MAP7: variants seen among roughly 807,000 people sequenced by gnomAD.
MAP7 encodes ensconsin.
A neutral mutation model predicts 94.8 loss-of-function variants in MAP7; 52 were observed. That is an observed-to-expected ratio of 0.55 (90% CI 0.44 to 0.69). The LOEUF is 0.69. Ranked by LOEUF, MAP7 falls within the 30% of genes least tolerant of loss-of-function variation. MAP7 has a pLI of 0.00. For synonymous variants in MAP7, 350 were observed against 357.0 expected, an observed-to-expected ratio of 0.98 and a Z score of 0.22; for missense variants, 940 against 964.6, an observed-to-expected ratio of 0.97 and a Z score of 0.34.
At chr6:136,455,687 A>G (rs1045363059) in intron 1 of MAP7, among the ~76,000 whole-genome samples, 6 of 152,102 alleles carry the variant, frequency 3.9e-5, no homozygotes, top group Non-Finnish European at 7.3e-5. Context: ...TAAACAATAT[A>G]CTCTTAACCA....
intron 1 of MAP7, among the ~76,000 whole-genome samples, chr6:136,501,818 C>T (rs1819909931): frequency 6.6e-6 from 1 of 152,114 alleles, no homozygotes. Context: ...CCATTAAGTT[C>T]CCATCACAAA....
intron 1 of MAP7, among the ~76,000 whole-genome samples, chr6:136,429,853 T>C (rs73777903): frequency 0.037 from 5,711 of 152,294 alleles, 372 homozygotes; most frequent in African/African-American, 0.13. Flanking sequence ...TATTTTCCCC[T>C]TGCGTTAATA....
At chr6:136,435,168 G>A (rs1796053851) in intron 1 of MAP7, among the ~76,000 whole-genome samples, 1 of 152,220 alleles carries the variant, frequency 6.6e-6, no homozygotes, top group African/African-American at 2.4e-5. Context: ...GGAGAAGCCA[G>A]AAGGAGGTTG....
At chr6:136,538,560 A>G (rs1829059206) in intron 1 of MAP7, among the ~76,000 whole-genome samples, 1 of 151,992 alleles carries the variant, frequency 6.6e-6, no homozygotes, top group Non-Finnish European at 1.5e-5. Flanking sequence ...CCGAGGCAGG[A>G]GGATCACTTG....
intron 7 of MAP7, among the ~76,000 whole-genome samples, chr6:136,377,289 A>G (rs981990640): frequency 5.9e-5 from 9 of 152,246 alleles, no homozygotes; most frequent in Admixed American, 1.3e-4. Context: ...CCTAGATTAC[A>G]TATAAAAGAA....
At chr6:136,511,431 C>T (rs533012120) in intron 1 of MAP7, among the ~76,000 whole-genome samples, 2 of 152,108 alleles carry the variant, frequency 1.3e-5, no homozygotes, top group South Asian at 4.2e-4. Flanking sequence ...CTTTACAGTG[C>T]TGAATGAAAG....
intron 6 of MAP7, among the ~76,000 whole-genome samples, chr6:136,382,588 CAAAAG>C (rs1753201470): frequency 6.6e-6 from 1 of 151,884 alleles, no homozygotes; most frequent in African/African-American, 2.4e-5. Flanking sequence ...GTTAAAAAAA[CAAAAG>C]GAAAGAGTTT....
At chr6:136,378,226 G>A (rs1411890252) in intron 6 of MAP7, among the ~76,000 whole-genome samples, 2 of 152,154 alleles carry the variant, frequency 1.3e-5, no homozygotes, top group African/African-American at 2.4e-5. Context: ...ATGGGCATTG[G>A]GATGGGCAGT....
chr6:136,358,365 G>A (rs1791574387), intron 15 of MAP7, among the ~76,000 whole-genome samples: 1 of 152,144 alleles, frequency 6.6e-6, no homozygotes, highest in Admixed American at 6.5e-5. Context: ...ACAACTCACT[G>A]GGTACTATGC....
intron 1 of MAP7, among the ~76,000 whole-genome samples, chr6:136,547,814 G>C (rs1349313846): frequency 1.3e-5 from 2 of 151,826 alleles, no homozygotes; most frequent in African/African-American, 4.8e-5. Context: ...ATTCATCTTT[G>C]ATACACATAT....
At chr6:136,360,590 G>A in intron 13 of MAP7, 107 bp downstream of exon 13, 1 of 889,884 alleles carries the variant, frequency 1.1e-6, no homozygotes, top group Non-Finnish European at 1.8e-6. Context: ...GGGGCTACTA[G>A]TTTATGTGGC....
chr6:136,454,770 T>C (rs1802350934), intron 1 of MAP7, among the ~76,000 whole-genome samples: 1 of 152,074 alleles, frequency 6.6e-6, no homozygotes, highest in East Asian at 2.0e-4. Flanking sequence ...GAGGTGACCC[T>C]CACCTGTACT....
In MAP7 at chr6:136,383,779, G is replaced by T. The variant is rs750885029; in HGVS notation, c.529C>A (p.Pro177Thr). 2 of 1,587,380 alleles carry T rather than the reference G, an allele frequency of 1.3e-6. No homozygotes were observed. Among genetic ancestry groups the T allele is most frequent in the Admixed American group, 1.7e-5 (1 of 59,380 alleles). Residue 177 changes from proline to threonine, a missense_variant and splice_region_variant, in exon 6 of 18, where the codon CCA becomes ACA. By Grantham distance (38) the Pro-to-Thr change is conservative (BLOSUM62 -1). Transcript: ENST00000354570. ...ATGGTGGAAACTGACCGCCTGTCTGGATCTAAAACAAATGGAGATAATGCT... is the reference window on the plus strand; with the variant it reads ...ATGGTGGAAACTGACCGCCTGTCTGTATCTAAAACAAATGGAGATAATGCT... ...HGSPSIHSAD[P>T]DRRSVSTMNL...
chr6:136,440,597 T>C (rs1797551134), intron 1 of MAP7, among the ~76,000 whole-genome samples: 2 of 152,310 alleles, frequency 1.3e-5, no homozygotes, highest in South Asian at 2.1e-4. Flanking sequence ...TTTGTTAAAA[T>C]AGGATTTTTT....
chr6:136,456,744 AAGG>A lies in MAP7; in HGVS notation c.68-34948_68-34946del, dbSNP rs1238757592. The stretch of plus-strand genomic sequence containing the variant: ...GAAAGAAGAGAAGAAGGAAGAGGAG[AAGG>A]AGGAGGAGGAGGAGGAGGAGGAAGA... On this transcript the variant is annotated intron_variant, in intron 1 of 17. Transcript: ENST00000354570. 2.6e-3 allele frequency among the ~76,000 whole-genome samples: 176 copies of A among 67,414 alleles called. 4 individuals are homozygous for A. The highest frequency in any genetic ancestry group is 7.9e-3 in the East Asian group (20 of 2,524). 44.2% of individuals were successfully genotyped at this position (67,414 alleles called of 152,430 possible).
chr6:136,377,703 T>C (rs1198677036), intron 7 of MAP7, 52 bp downstream of exon 7: 2 of 1,363,054 alleles, frequency 1.5e-6, no homozygotes, highest in Non-Finnish European at 2.1e-6. Flanking sequence ...ACGAATATGC[T>C]TCAAAGGGAG....
intron 1 of MAP7, among the ~76,000 whole-genome samples, chr6:136,437,351 C>G (rs1170005966): frequency 6.6e-6 from 1 of 152,076 alleles, no homozygotes; most frequent in Non-Finnish European, 1.5e-5. Context: ...AGCCCTTGGC[C>G]CACTTCAAAG....
At chr6:136,433,095 A>G (rs2128812522) in intron 1 of MAP7, among the ~76,000 whole-genome samples, 1 of 152,322 alleles carries the variant, frequency 6.6e-6, no homozygotes, top group South Asian at 2.1e-4. Context: ...ACAAAAAGCT[A>G]TAAAGTGAAA....
chr6:136,413,525 GA>G (rs61053216), intron 2 of MAP7, among the ~76,000 whole-genome samples: 2,408 of 105,302 alleles, frequency 0.023, 36 homozygotes, highest in Admixed American at 0.055. Flanking sequence ...CACCGTCTCA[GA>G]AAAAAAAAAA....
Sources: gnomAD v4.1 joint callset for allele counts (sites outside exome capture counted in the v4.1 genomes callset) on GRCh38, gnomAD v4.1.1 for gene constraint, MANE v1.5 for transcripts, NCBI Gene and HGNC (gene_info 2026-07-23, HGNC 2026-07-21) for gene names.